The following AKAIN1 variants were observed in gnomAD, a reference collection of about 807,000 sequenced individuals.
The protein encoded by AKAIN1 is A-kinase anchor protein inhibitor 1.
In AKAIN1, 3 loss-of-function variants were observed where a neutral mutation model predicts 3.7. The observed-to-expected ratio is 0.82, with a 90% CI of 0.37 to 2.12. AKAIN1 has a LOEUF of 2.12. Among genes scored for constraint, AKAIN1 ranks in the 30% most tolerant of loss-of-function variants. AKAIN1 has a pLI of 0.06. For missense variants in AKAIN1, 82 were observed against 82.7 expected, an observed-to-expected ratio of 0.99 and a Z score of 0.03; for synonymous variants, 31 against 30.8, an observed-to-expected ratio of 1.01 and a Z score of -0.02.
intron 1 of AKAIN1, among the ~76,000 whole-genome samples, chr18:5,170,015 G>C (rs1174943653): frequency 6.6e-6 from 1 of 152,052 alleles, no homozygotes; most frequent in Non-Finnish European, 1.5e-5. Context: ...CAGTAAGACT[G>C]GCATGCCTTC....
At chr18:5,176,430 A>G (rs2071226763) in intron 1 of AKAIN1, among the ~76,000 whole-genome samples, 1 of 150,250 alleles carries the variant, frequency 6.7e-6, no homozygotes, top group Non-Finnish European at 1.5e-5. Context: ...ACAGAGTGGG[A>G]CCCTGTCTCA....
rs191388524 is a variant in AKAIN1 at position 5,192,046 on chromosome 18, C to T, written c.16+4992G>A. 2.7e-4 allele frequency among the ~76,000 whole-genome samples: 41 copies of T among 152,150 alleles called. 1 individual carries two copies. The East Asian group carries it at 7.1e-3, about 26-fold the overall frequency. On this transcript the variant is annotated intron_variant, in intron 1 of 1. Transcript: ENST00000434239. Reference sequence around the variant, plus strand: ...TATGTGTGGAGTTTTCCATTTGTGGCGTCATGTCAGTGCTCAAAAAAGTTT... The same window carrying T: ...TATGTGTGGAGTTTTCCATTTGTGGTGTCATGTCAGTGCTCAAAAAAGTTT...
rs368222231 is a variant in AKAIN1 at position 5,196,628 on chromosome 18, T to G, written c.16+410A>C. On this transcript the variant is annotated intron_variant, in intron 1 of 1. Coordinates refer to ENST00000434239, the MANE Select transcript of AKAIN1 (RefSeq NM_001145194.2). ...AGGACCCGGGTCACTTTGCCAATTC[T>G]GCGGAGGGGGAAGTAGCAGTGAGGG... 5.3e-5 allele frequency among the ~76,000 whole-genome samples: 8 copies of G among 152,330 alleles called. No homozygotes were observed. The East Asian group carries it at 1.5e-3, about 29-fold the overall frequency.
intron 1 of AKAIN1, among the ~76,000 whole-genome samples, chr18:5,158,260 T>G (rs2071119655): frequency 6.6e-6 from 1 of 152,210 alleles, no homozygotes; most frequent in South Asian, 2.1e-4. Context: ...ATTAATTTTC[T>G]GCTCTTGGCC....
At chr18:5,169,690 A>T (rs2071186807) in intron 1 of AKAIN1, among the ~76,000 whole-genome samples, 1 of 152,304 alleles carries the variant, frequency 6.6e-6, no homozygotes, top group East Asian at 1.9e-4. Context: ...CTGGATTTTT[A>T]AAAATACTAC....
intron 1 of AKAIN1, among the ~76,000 whole-genome samples, chr18:5,155,053 G>A (rs1461055839): frequency 6.6e-6 from 1 of 152,056 alleles, no homozygotes; most frequent in African/African-American, 2.4e-5. Context: ...CGAAGGAGGA[G>A]GTATAACAAG....
intron 1 of AKAIN1, among the ~76,000 whole-genome samples, chr18:5,176,513 T>C (rs1299082394): frequency 6.6e-6 from 1 of 152,094 alleles, no homozygotes; most frequent in African/African-American, 2.4e-5. Flanking sequence ...AAAAGTGTTA[T>C]GGAAGCCAAG....
intron 1 of AKAIN1, among the ~76,000 whole-genome samples, chr18:5,183,904 C>T (rs77873274): frequency 1.6e-3 from 248 of 152,136 alleles, no homozygotes; most frequent in African/African-American, 5.3e-3. Context: ...CTGTAACTCA[C>T]GGCTGAACAA....
At chr18:5,166,199 C>T (rs114208412) in intron 1 of AKAIN1, among the ~76,000 whole-genome samples, 2 of 152,066 alleles carry the variant, frequency 1.3e-5, no homozygotes, top group African/African-American at 2.4e-5. Context: ...TCTACGTATA[C>T]GTCTTCTTCT....
intron 1 of AKAIN1, among the ~76,000 whole-genome samples, chr18:5,188,343 T>C (rs950417408): frequency 6.6e-6 from 1 of 152,104 alleles, no homozygotes; most frequent in Non-Finnish European, 1.5e-5. Context: ...TGAGGAATTC[T>C]ATGGCAGCTC....
chr18:5,154,672 T>C (rs1348519347), intron 1 of AKAIN1, among the ~76,000 whole-genome samples: 1 of 152,090 alleles, frequency 6.6e-6, no homozygotes, highest in African/African-American at 2.4e-5. Flanking sequence ...CACGCCTTGT[T>C]CTATCTCCTC....
intron 1 of AKAIN1, chr18:5,170,837 G>A (rs376250650): frequency 1.2e-4 from 18 of 152,256 alleles, no homozygotes; most frequent in African/African-American, 3.6e-4. Context: ...TACCTTAGAA[G>A]CCAGACAACA....
At chr18:5,194,317 G>A (rs1486316483) in intron 1 of AKAIN1, among the ~76,000 whole-genome samples, 2 of 152,076 alleles carry the variant, frequency 1.3e-5, no homozygotes, top group East Asian at 3.9e-4. Context: ...AATAATAAGA[G>A]AAAGAGGAAA....
At chr18:5,154,002 C>T (rs905191473) in intron 1 of AKAIN1, among the ~76,000 whole-genome samples, 3 of 152,068 alleles carry the variant, frequency 2.0e-5, no homozygotes, top group African/African-American at 4.8e-5. Flanking sequence ...GAGGCTGGGG[C>T]GGGAGGATCA....
chr18:5,160,950 C>CAGCAAGA (rs2071135821), intron 1 of AKAIN1, among the ~76,000 whole-genome samples: 1 of 111,480 alleles, frequency 9.0e-6, no homozygotes, highest in Non-Finnish European at 2.3e-5. Context: ...AATACTAGTA[C>CAGCAAGA]TTTATAAGCC....
intron 1 of AKAIN1, among the ~76,000 whole-genome samples, chr18:5,151,540 T>C (rs1012888232): frequency 9.9e-5 from 15 of 152,100 alleles, no homozygotes; most frequent in African/African-American, 3.4e-4. Context: ...TCAGAAGCAT[T>C]TTAGGTAGAT....
At chr18:5,173,830 T>A (rs1371336365) in intron 1 of AKAIN1, among the ~76,000 whole-genome samples, 1 of 152,088 alleles carries the variant, frequency 6.6e-6, no homozygotes, top group Non-Finnish European at 1.5e-5. Flanking sequence ...GTCTTTGGCA[T>A]GATCCCCCCT....
chr18:5,164,913 G>A (rs2071159329), intron 1 of AKAIN1, among the ~76,000 whole-genome samples: 1 of 151,906 alleles, frequency 6.6e-6, no homozygotes, highest in Non-Finnish European at 1.5e-5. Flanking sequence ...AAAGAGTTGG[G>A]AGTACAAGCC....
chr18:5,179,423 G>A (rs371563507), intron 1 of AKAIN1, among the ~76,000 whole-genome samples: 9 of 149,468 alleles, frequency 6.0e-5, no homozygotes, highest in East Asian at 2.0e-4. Context: ...ATGTATGTGT[G>A]TATATATATA....
Sources: allele counts gnomAD v4.1 joint callset (sites outside exome capture counted in the v4.1 genomes callset), GRCh38; gene constraint gnomAD v4.1.1; transcripts MANE v1.5; gene names NCBI Gene and HGNC (gene_info 2026-07-23, HGNC 2026-07-21).